LRIF1: variants seen among roughly 807,000 people sequenced by gnomAD.
LRIF1 encodes the protein ligand-dependent nuclear receptor-interacting factor 1.
Under a neutral mutation model 52.7 loss-of-function variants are expected in LRIF1, and 32 were observed. The observed-to-expected ratio is 0.61, with a 90% CI of 0.46 to 0.82. The LOEUF (loss-of-function observed/expected upper bound fraction) is 0.82. Ranked by LOEUF, LRIF1 falls within the 40% of genes least tolerant of loss-of-function variation. The pLI is 0.00. For synonymous variants in LRIF1, 323 were observed against 317.4 expected (o/e 1.02, Z -0.19); for missense variants, 887 against 892.0 (o/e 0.99, Z 0.07).
the LRIF1 span, among the ~76,000 whole-genome samples, chr1:110,925,976 T>C: frequency 1.3e-5 from 2 of 152,154 alleles, no homozygotes; most frequent in South Asian, 2.1e-4. Context: ...AAGAATTCTA[T>C]GGAGAAAACC....
chr1:110,959,578 C>T (rs1414539810), intron 1 of LRIF1, among the ~76,000 whole-genome samples: 1 of 151,698 alleles, frequency 6.6e-6, no homozygotes. Flanking sequence ...GGTGAAACCC[C>T]GTCTCTACTA....
chr1:110,949,772 T>C (rs1658382102), intron 3 of LRIF1, 79 bp downstream of exon 3: 16 of 1,449,816 alleles, frequency 1.1e-5, no homozygotes, highest in Non-Finnish European at 1.4e-5. Context: ...TGCACAAGGG[T>C]TAAAACCAAA....
intron 1 of LRIF1, among the ~76,000 whole-genome samples, chr1:110,961,459 C>T (rs910960051): frequency 6.6e-6 from 1 of 152,118 alleles, no homozygotes; most frequent in African/African-American, 2.4e-5. Flanking sequence ...CAATAAAACC[C>T]AAATCAATAT....
the LRIF1 span, among the ~76,000 whole-genome samples, chr1:110,886,867 A>ATTT: frequency 0.013 from 532 of 41,346 alleles, 9 homozygotes; most frequent in African/African-American, 0.042. Context: ...ATATATATAT[A>ATTT]TATTTTTTTT....
the LRIF1 span, among the ~76,000 whole-genome samples, chr1:110,927,465 C>T: frequency 6.6e-6 from 1 of 152,152 alleles, no homozygotes; most frequent in African/African-American, 2.4e-5. Flanking sequence ...CCTATTGAAA[C>T]CTATGTTGGT....
chr1:110,903,972 A>G, the LRIF1 span, among the ~76,000 whole-genome samples: 1 of 152,192 alleles, frequency 6.6e-6, no homozygotes, highest in African/African-American at 2.4e-5. Context: ...CCTTAAAGGA[A>G]CATTAGCAGT....
the LRIF1 span, among the ~76,000 whole-genome samples, chr1:110,875,729 T>C: frequency 6.6e-6 from 1 of 152,092 alleles, no homozygotes; most frequent in Non-Finnish European, 1.5e-5. Context: ...AACAGACAGC[T>C]ATGCAGAGCA....
At chr1:110,945,841 T>C (rs140393282), downstream of LRIF1, among the ~76,000 whole-genome samples, 5 of 152,330 alleles carry the variant, frequency 3.3e-5, no homozygotes, top group East Asian at 1.9e-4. Context: ...AGACTGACAA[T>C]TGACTACTGA....
At chr1:110,895,076 C>T in the LRIF1 span, 1 of 1,543,092 alleles carries the variant, frequency 6.5e-7, no homozygotes, top group Non-Finnish European at 9.0e-7. Flanking sequence ...GTGGAATCCT[C>T]TTCAGATCAG....
downstream of LRIF1, chr1:110,944,443 C>T (rs1658155903): frequency 6.6e-6 from 1 of 152,196 alleles, no homozygotes; most frequent in East Asian, 1.9e-4. Context: ...AAGATAAAAA[C>T]TGCAAGTTGG....
At chr1:110,912,104 T>G in the LRIF1 span, among the ~76,000 whole-genome samples, 50 of 152,336 alleles carry the variant, frequency 3.3e-4, no homozygotes, top group African/African-American at 1.2e-3. Flanking sequence ...CTAGAAAAAT[T>G]CATAGTCTCT....
downstream of LRIF1, among the ~76,000 whole-genome samples, chr1:110,946,249 G>A (rs969000386): frequency 3.9e-5 from 6 of 152,166 alleles, no homozygotes; most frequent in African/African-American, 7.2e-5. Context: ...AAAACATATT[G>A]TATGATTCCA....
At chr1:110,938,130 C>T in the LRIF1 span, 14 of 152,126 alleles carry the variant, frequency 9.2e-5, no homozygotes, top group African/African-American at 2.6e-4. Flanking sequence ...TATCAAGCAT[C>T]GAGAGAAGAA....
At chr1:110,954,516 A>C (rs1037090775) in intron 1 of LRIF1, among the ~76,000 whole-genome samples, 4 of 152,200 alleles carry the variant, frequency 2.6e-5, no homozygotes, top group African/African-American at 9.7e-5. Context: ...GACTTTTAAT[A>C]AATTAAAAGT....
chr1:110,908,944 C>T, the LRIF1 span, among the ~76,000 whole-genome samples: 4 of 152,026 alleles, frequency 2.6e-5, no homozygotes, highest in Non-Finnish European at 5.9e-5. Flanking sequence ...CATCAGATTC[C>T]CCAAAGTCAA....
chr1:110,875,887 C>T, the LRIF1 span, among the ~76,000 whole-genome samples: 1 of 152,158 alleles, frequency 6.6e-6, no homozygotes, highest in Admixed American at 6.5e-5. Context: ...AGAGTAAAGG[C>T]CAGGAATCTC....
the LRIF1 span, among the ~76,000 whole-genome samples, chr1:110,901,138 TTC>T: frequency 3.4e-5 from 5 of 147,394 alleles, no homozygotes; most frequent in South Asian, 2.2e-4. Context: ...AGAGGAGACA[TTC>T]TCTCTCTCTG....
chr1:110,959,775 A>T (rs1342378562), intron 1 of LRIF1, among the ~76,000 whole-genome samples: 15 of 151,702 alleles, frequency 9.9e-5, no homozygotes, highest in Admixed American at 9.9e-4. Context: ...GAAATTTAAT[A>T]AAAAGGCACA....
chr1:110,908,661 C>G, the LRIF1 span, among the ~76,000 whole-genome samples: 1 of 151,928 alleles, frequency 6.6e-6, no homozygotes, highest in Admixed American at 6.6e-5. Flanking sequence ...AAAGACCATT[C>G]TTTTGAATCA....
Sources: gnomAD v4.1 joint callset for allele counts (sites outside exome capture counted in the v4.1 genomes callset) on GRCh38, gnomAD v4.1.1 for gene constraint, MANE v1.5 for transcripts, NCBI Gene and HGNC (gene_info 2026-07-23, HGNC 2026-07-21) for gene names.